LMBRD1: variants seen among roughly 807,000 people sequenced by gnomAD.
LMBRD1 encodes LMBR1 domain containing 1.
Under a neutral mutation model 74.8 loss-of-function variants are expected in LMBRD1, and 64 were observed. The observed-to-expected ratio is 0.86, with a 90% CI of 0.70 to 1.05. The LOEUF is 1.05. Among genes scored for constraint, LMBRD1 ranks in the 50% least tolerant of loss-of-function variants. The probability of loss-of-function intolerance (pLI) is 0.00; values close to 1 mark genes in which losing one functional copy is unlikely to be tolerated. For missense variants in LMBRD1, 652 were observed against 645.9 expected, an observed-to-expected ratio of 1.01 and a Z score of -0.10; for synonymous variants, 204 against 216.3, an observed-to-expected ratio of 0.94 and a Z score of 0.50.
intron 6 of LMBRD1, among the ~76,000 whole-genome samples, chr6:69,738,418 T>C (rs1582106559): frequency 6.6e-6 from 1 of 152,254 alleles, no homozygotes; most frequent in East Asian, 1.9e-4. Flanking sequence ...TCTTTCTCCC[T>C]TCTCCCCTCA....
chr6:69,715,687 TACAC>T (rs143472030), intron 8 of LMBRD1, among the ~76,000 whole-genome samples: 4 of 151,402 alleles, frequency 2.6e-5, no homozygotes, highest in African/African-American at 9.7e-5. Context: ...ATTTTCTATT[TACAC>T]ACACACACAC....
intron 2 of LMBRD1, among the ~76,000 whole-genome samples, chr6:69,786,181 T>C (rs910303927): frequency 2.6e-5 from 4 of 152,192 alleles, no homozygotes; most frequent in Non-Finnish European, 4.4e-5. Flanking sequence ...GTACCTACAA[T>C]TGTCAGGCAC....
chr6:69,762,271 C>G (rs1765389324), intron 3 of LMBRD1, among the ~76,000 whole-genome samples: 1 of 151,968 alleles, frequency 6.6e-6, no homozygotes, highest in Non-Finnish European at 1.5e-5. Context: ...GGGTAAATTC[C>G]TAGGAGTGGA....
chr6:69,748,644 T>A (rs1299122949), intron 5 of LMBRD1, among the ~76,000 whole-genome samples: 1 of 152,006 alleles, frequency 6.6e-6, no homozygotes, highest in Non-Finnish European at 1.5e-5. Flanking sequence ...ACAGAAACTT[T>A]AAAAAATTTA....
intron 5 of LMBRD1, among the ~76,000 whole-genome samples, chr6:69,748,733 C>T (rs974729533): frequency 2.0e-5 from 3 of 151,754 alleles, no homozygotes; most frequent in African/African-American, 7.3e-5. Context: ...CTTCCATTAA[C>T]AAGGATAAAT....
At chr6:69,680,554 AT>A (rs746582816) in intron 14 of LMBRD1, among the ~76,000 whole-genome samples, 4 of 151,156 alleles carry the variant, frequency 2.6e-5, no homozygotes, top group African/African-American at 4.9e-5. Context: ...TATCTTAAAT[AT>A]TTTTTTGATC....
chr6:69,712,303 C>T (rs1243909631), intron 9 of LMBRD1, among the ~76,000 whole-genome samples: 1 of 151,856 alleles, frequency 6.6e-6, no homozygotes, highest in South Asian at 2.1e-4. Context: ...TACCATAGTC[C>T]CAAGAATTCA....
intron 5 of LMBRD1, among the ~76,000 whole-genome samples, chr6:69,743,291 A>C (rs1310365938): frequency 6.6e-6 from 1 of 152,218 alleles, no homozygotes; most frequent in Non-Finnish European, 1.5e-5. Context: ...ACTATTAAAA[A>C]AGAAATACGT....
At chr6:69,676,888 A>C (rs1411003976) in intron 14 of LMBRD1, among the ~76,000 whole-genome samples, 1 of 152,208 alleles carries the variant, frequency 6.6e-6, no homozygotes, top group Non-Finnish European at 1.5e-5. Flanking sequence ...ACAAAAAAAA[A>C]GTTTTCCTGA....
chr6:69,705,815 A>C lies in LMBRD1; in HGVS notation c.916-3862T>G, dbSNP rs1211059281. 2.5e-6 allele frequency: 3 copies of C among 1,224,248 alleles called. No individual in the cohort carries two copies. In the East Asian group the frequency reaches 7.0e-5, roughly 29 times the overall value. 75.8% of individuals were successfully genotyped at this position (1,224,248 alleles called of 1,614,324 possible). ...ACTGCATCTTCCTCCACTGCTACTA[A>C]ATGTTGTTCACTAATATGCACTGGC... On this transcript the variant is annotated intron_variant, in intron 9 of 15. Coordinates refer to ENST00000649934, the MANE Select transcript of LMBRD1 (RefSeq NM_018368.4).
chr6:69,701,578 T>G, intron 10 of LMBRD1, 33 bp from the exon 11 acceptor site: 1 of 1,313,260 alleles, frequency 7.6e-7, no homozygotes, highest in Non-Finnish European at 1.1e-6. Context: ...AAATTTATGT[T>G]ATACTATCAA....
rs6924798 is a variant in LMBRD1, at chr6:69,790,665, C to T, written c.70-193G>A. The T allele has an allele frequency of 5.8e-3, 3,464 of 601,814 alleles. 71 individuals carry two copies. The highest frequency in any genetic ancestry group is 0.054 in the African/African-American group (2,932 of 54,224). 37.3% of individuals were successfully genotyped at this position (601,814 alleles called of 1,614,324 possible). On this transcript the variant is annotated intron_variant, in intron 1 of 15. Transcript: ENST00000649934. The stretch of plus-strand genomic sequence containing the variant: ...CAAAGCCTACTTCATGAATGCAGTA[C>T]ATCACGTATGCATACACACACAATA...
chr6:69,702,167 A>G (rs1166441184), intron 9 of LMBRD1, among the ~76,000 whole-genome samples: 1 of 151,886 alleles, frequency 6.6e-6, no homozygotes, highest in Non-Finnish European at 1.5e-5. Flanking sequence ...AAAGAGACAA[A>G]GCATTTGAAA....
At chr6:69,716,418 T>A (rs1270433114) in intron 8 of LMBRD1, among the ~76,000 whole-genome samples, 1 of 152,180 alleles carries the variant, frequency 6.6e-6, no homozygotes, top group Admixed American at 6.5e-5. Context: ...GTATGTCTCC[T>A]TTTGAGAAGT....
At chr6:69,694,872 T>C (rs3799106) in intron 14 of LMBRD1, among the ~76,000 whole-genome samples, 55,477 of 151,930 alleles carry the variant, frequency 0.37, 10,652 homozygotes, top group East Asian at 0.54. Context: ...GTTAGATCCT[T>C]TCCTAATCCC....
chr6:69,740,535 C>T (rs1169880986), intron 6 of LMBRD1, among the ~76,000 whole-genome samples: 1 of 152,126 alleles, frequency 6.6e-6, no homozygotes. Flanking sequence ...AGATGCGAGG[C>T]CTGCTACCCT....
chr6:69,794,099 C>T (rs1486237251), intron 1 of LMBRD1, among the ~76,000 whole-genome samples: 2 of 152,274 alleles, frequency 1.3e-5, no homozygotes, highest in African/African-American at 4.8e-5. Context: ...CCCCAGAATC[C>T]TTTCTGGAGA....
intron 14 of LMBRD1, among the ~76,000 whole-genome samples, chr6:69,677,830 T>A (rs1231440332): frequency 6.6e-6 from 1 of 152,146 alleles, no homozygotes; most frequent in Non-Finnish European, 1.5e-5. Flanking sequence ...ATCATATATT[T>A]TTCTCCTTCA....
intron 6 of LMBRD1, among the ~76,000 whole-genome samples, chr6:69,738,412 T>C (rs1373799178): frequency 6.6e-6 from 1 of 152,118 alleles, no homozygotes; most frequent in Non-Finnish European, 1.5e-5. Flanking sequence ...CTTGACTCTT[T>C]CTCCCTTCTC....
Sources: gnomAD v4.1 joint callset for allele counts (sites outside exome capture counted in the v4.1 genomes callset) on GRCh38, gnomAD v4.1.1 for gene constraint, MANE v1.5 for transcripts, NCBI Gene and HGNC (gene_info 2026-07-23, HGNC 2026-07-21) for gene names.